Variants in GLIS3 observed in about 807,000 individuals in gnomAD.
GLIS3 encodes the protein GLIS family zinc finger 3.
Under a neutral mutation model 78.6 loss-of-function variants are expected in GLIS3, and 53 were observed. That is an observed-to-expected ratio of 0.67 (90% CI 0.54 to 0.85). The LOEUF (loss-of-function observed/expected upper bound fraction) is 0.85, where lower values mean the gene tolerates loss of function less well. GLIS3 is among the 40% of genes least tolerant of loss of function. The probability of loss-of-function intolerance (pLI) is 0.00; values close to 1 mark genes in which losing one functional copy is unlikely to be tolerated. For missense variants in GLIS3, 1,703 were observed against 1,231.1 expected (o/e 1.38, Z -5.74); for synonymous variants, 684 against 509.9 (o/e 1.34, Z -4.60).
chr9:4,377,865 G>A, the GLIS3 span, among the ~76,000 whole-genome samples: 2 of 152,040 alleles, frequency 1.3e-5, no homozygotes, highest in Non-Finnish European at 2.9e-5. Context: ...AACCTAAGAA[G>A]TTTTTAACGT....
At chr9:4,286,816 A>T (rs74742357) in intron 1 of GLIS3, among the ~76,000 whole-genome samples, 2 of 152,272 alleles carry the variant, frequency 1.3e-5, no homozygotes, top group African/African-American at 4.8e-5. Flanking sequence ...CTTGCAAAAC[A>T]AAACTTATTT....
Position 4,230,656 on chromosome 9 carries a change from A to G in GLIS3, c.388+55382T>C, listed in dbSNP as rs141075370. ...AGAGCAGGGAAATATAAGCACCATT[A>G]TAATACCTAATTATGGACTGCGCAT... is the stretch of plus-strand genomic sequence containing the variant. On this transcript the variant is annotated intron_variant, in intron 2 of 10. Coordinates refer to ENST00000381971, the MANE Select transcript of GLIS3 (RefSeq NM_001042413.2). 4.0e-3 allele frequency among the ~76,000 whole-genome samples: 612 copies of G among 152,328 alleles called. 2 individuals carry two copies. Among genetic ancestry groups the G allele is most frequent in the African/African-American group, 0.014 (566 of 41,574 alleles).
chr9:4,478,789 A>G, the GLIS3 span, among the ~76,000 whole-genome samples: 22 of 152,310 alleles, frequency 1.4e-4, no homozygotes, highest in East Asian at 4.2e-3. Context: ...AATTAGAATG[A>G]ATTTTTTAAA....
the GLIS3 span, among the ~76,000 whole-genome samples, chr9:4,380,353 A>G: frequency 6.6e-6 from 1 of 152,216 alleles, no homozygotes; most frequent in East Asian, 1.9e-4. Context: ...AATTGGCTCT[A>G]AGCAAAATGA....
At chr9:4,375,006 G>A in the GLIS3 span, among the ~76,000 whole-genome samples, 1 of 152,112 alleles carries the variant, frequency 6.6e-6, no homozygotes, top group African/African-American at 2.4e-5. Flanking sequence ...CCCCCCTACT[G>A]TTGGACATTT....
Position 4,077,010 on chromosome 9 carries a change from G to A in GLIS3, c.1710+40758C>T, listed in dbSNP as rs1332692295. Among the ~76,000 whole-genome samples, 7 of 152,192 alleles carry A rather than the reference G, an allele frequency of 4.6e-5. No individual in the cohort carries two copies. In the South Asian group the frequency reaches 1.2e-3, roughly 27 times the overall value. On this transcript the variant is annotated intron_variant, in intron 4 of 10. Transcript: ENST00000381971. ...GGAGGTGGAGGTTGCCGTGAGCTGA[G>A]CTCAAGCCTCTGCACTCCAGCCTGG... is the stretch of plus-strand genomic sequence containing the variant.
chr9:3,931,425 C>T (rs1452601768), intron 6 of GLIS3, among the ~76,000 whole-genome samples: 1 of 152,126 alleles, frequency 6.6e-6, no homozygotes, highest in East Asian at 1.9e-4. Context: ...GGGGTTCAAT[C>T]ACTTGAAATA....
At chr9:3,833,060 G>C (rs1401741229) in intron 9 of GLIS3, among the ~76,000 whole-genome samples, 1 of 152,188 alleles carries the variant, frequency 6.6e-6, no homozygotes, top group Non-Finnish European at 1.5e-5. Flanking sequence ...AATACACCTA[G>C]AAAAGTTAAA....
intron 4 of GLIS3, among the ~76,000 whole-genome samples, chr9:4,079,726 C>A (rs1358253964): frequency 6.6e-6 from 1 of 150,688 alleles, no homozygotes; most frequent in Non-Finnish European, 1.5e-5. Context: ...TTCTTTTCTA[C>A]CTTTGAAAGA....
At chr9:3,959,698 C>T (rs2130876801) in intron 4 of GLIS3, among the ~76,000 whole-genome samples, 1 of 152,348 alleles carries the variant, frequency 6.6e-6, no homozygotes, top group East Asian at 1.9e-4. Flanking sequence ...TGACTCTTCT[C>T]AGGAACATTT....
chr9:4,141,721 T>C (rs1394674523), intron 2 of GLIS3, among the ~76,000 whole-genome samples: 1 of 152,190 alleles, frequency 6.6e-6, no homozygotes, highest in African/African-American at 2.4e-5. Flanking sequence ...ATTGGAGAGG[T>C]AGGAAGGCTG....
chr9:4,238,144 G>A (rs1367868261), intron 2 of GLIS3, among the ~76,000 whole-genome samples: 5 of 152,188 alleles, frequency 3.3e-5, no homozygotes, highest in Admixed American at 6.5e-5. Flanking sequence ...GGGACTTCTC[G>A]TTCCTACTTT....
intron 2 of GLIS3, among the ~76,000 whole-genome samples, chr9:4,270,935 A>G (rs12156635): frequency 1.8e-3 from 155 of 85,128 alleles, no homozygotes; most frequent in Admixed American, 5.6e-3. Context: ...GTGTGTGTGT[A>G]TACACAACTG....
chr9:4,380,573 T>C, the GLIS3 span, among the ~76,000 whole-genome samples: 1 of 152,218 alleles, frequency 6.6e-6, no homozygotes, highest in Admixed American at 6.5e-5. Context: ...ACTATGCAGA[T>C]TTCCGGGCCT....
chr9:4,132,891 G>T (rs779590011), intron 2 of GLIS3, among the ~76,000 whole-genome samples: 31 of 152,190 alleles, frequency 2.0e-4, no homozygotes, highest in Non-Finnish European at 7.3e-5. Flanking sequence ...TATCAGGAAG[G>T]TCCTTAAGGT....
chr9:4,402,012 A>G, the GLIS3 span, among the ~76,000 whole-genome samples: 2 of 152,050 alleles, frequency 1.3e-5, no homozygotes, highest in African/African-American at 4.8e-5. Flanking sequence ...TTTTGCTCCA[A>G]TCCCTGGCTC....
chr9:4,280,857 G>A (rs556244194), intron 2 of GLIS3, among the ~76,000 whole-genome samples: 4 of 152,032 alleles, frequency 2.6e-5, no homozygotes, highest in African/African-American at 4.8e-5. Flanking sequence ...CAGAGAGAGC[G>A]GAGTGGCCAA....
intron 4 of GLIS3, among the ~76,000 whole-genome samples, chr9:4,083,610 TA>T (rs1828742708): frequency 6.6e-6 from 1 of 152,226 alleles, no homozygotes; most frequent in African/African-American, 2.4e-5. Flanking sequence ...AAATCGGAGT[TA>T]TTTTTTATGT....
intron 2 of GLIS3, among the ~76,000 whole-genome samples, chr9:4,181,706 C>A (rs1057138392): frequency 1.3e-5 from 2 of 152,210 alleles, no homozygotes; most frequent in African/African-American, 4.8e-5. Context: ...CTTGCTTTGG[C>A]TAATGATGCA....
Sources: allele counts gnomAD v4.1 joint callset (sites outside exome capture counted in the v4.1 genomes callset), GRCh38; gene constraint gnomAD v4.1.1; transcripts MANE v1.5; gene names NCBI Gene and HGNC (gene_info 2026-07-23, HGNC 2026-07-21).